Variants in SYCP2 observed in about 807,000 individuals in gnomAD.
SYCP2 encodes the protein synaptonemal complex lateral element protein.
SYCP2 carries 55 observed loss-of-function variants against 211.3 expected under a neutral mutation model. The ratio of observed to expected loss-of-function variants is 0.26; its 90% CI spans 0.21 to 0.33. SYCP2 has a LOEUF of 0.33. Among genes scored for constraint, SYCP2 ranks in the 10% least tolerant of loss-of-function variants. The pLI is 1.00. For missense variants in SYCP2, 1,731 were observed against 1,752.0 expected (o/e 0.99, Z 0.21); for synonymous variants, 570 against 555.2 (o/e 1.03, Z -0.37).
At chr20:59,877,327 A>G in intron 33 of SYCP2, 58 bp downstream of exon 33, 12 of 1,171,536 alleles carry the variant, frequency 1.0e-5, no homozygotes, top group South Asian at 2.5e-5. Context: ...TTTTACAAAA[A>G]TATATATTTA....
intron 5 of SYCP2, 23 bp from the exon 6 acceptor site, chr20:59,919,620 TAG>T: frequency 7.1e-7 from 1 of 1,408,450 alleles, no homozygotes; most frequent in East Asian, 2.3e-5. Flanking sequence ...ATGAACTTAT[TAG>T]AGTTCCATTT....
chr20:59,920,209 C>T (rs926932286), intron 5 of SYCP2, 150 bp downstream of exon 5: 1 of 681,762 alleles, frequency 1.5e-6, no homozygotes, highest in African/African-American at 1.8e-5. Flanking sequence ...ATATTTGTAA[C>T]ATATATCACA....
chr20:59,880,377 T>G lies in SYCP2; in HGVS notation c.2867A>C (p.Glu956Ala), dbSNP rs762791838. 8 of 1,602,532 alleles carry G rather than the reference T, an allele frequency of 5.0e-6. No individual in the cohort carries two copies. The highest frequency in any genetic ancestry group is 6.8e-6 in the Non-Finnish European group (8 of 1,172,304). Residue 956 changes from glutamate to alanine, a missense_variant, in exon 31 of 45, where the codon GAA (glutamate) becomes GCA (alanine). Coordinates refer to ENST00000357552, the MANE Select transcript of SYCP2 (RefSeq NM_014258.4). ...TATTAGCTGTGGTTTTGATTTCGGTTCTCTTAGCCAGCTAATATCAGTCTT... is the reference window on the plus strand; with the variant it reads ...TATTAGCTGTGGTTTTGATTTCGGTGCTCTTAGCCAGCTAATATCAGTCTT... ...DSKTDISWLR[E>A]PKSKPQLIDY...
chr20:59,866,605 T>A lies in SYCP2; in HGVS notation c.4126-16A>T, dbSNP rs775562620. On this transcript the variant is annotated splice_polypyrimidine_tract_variant and intron_variant, in intron 39 of 44. Coordinates refer to ENST00000357552, the MANE Select transcript of SYCP2 (RefSeq NM_014258.4). ...TATGTCGGATCTGAAAAATACTCAT[T>A]TTTAAGTTAAAATATCTTTACAAAA... The A allele has an allele frequency of 6.5e-7, 1 of 1,540,052 alleles. No individual in the cohort carries two copies. The highest frequency in any genetic ancestry group is 8.8e-7 in the Non-Finnish European group (1 of 1,134,428).
At chr20:59,866,849 TTACA>T (rs1336781885) in intron 39 of SYCP2, among the ~76,000 whole-genome samples, 1 of 151,408 alleles carries the variant, frequency 6.6e-6, no homozygotes, top group Non-Finnish European at 1.5e-5. Flanking sequence ...TCTACAGTAT[TTACA>T]AAAATGCTGA....
In SYCP2 at chr20:59,888,935, C is replaced by T. The variant is rs79127079; in HGVS notation, c.2365-2101G>A. Among the ~76,000 whole-genome samples, 19 of 151,756 alleles carry T rather than the reference C, an allele frequency of 1.3e-4. No homozygotes were observed. The East Asian group carries it at 3.1e-3, about 25-fold the overall frequency. On this transcript the variant is annotated intron_variant, in intron 24 of 44. Coordinates refer to ENST00000357552, the MANE Select transcript of SYCP2 (RefSeq NM_014258.4). ...AGATGTATATCTAACAAAACATGTA[C>T]GAGAGAAAAACTACAAAAGTCTGAT...
At chr20:59,904,909 T>C (rs1401238636) in intron 15 of SYCP2, among the ~76,000 whole-genome samples, 3 of 152,082 alleles carry the variant, frequency 2.0e-5, no homozygotes, top group Non-Finnish European at 2.9e-5. Flanking sequence ...GAAAGTGCCA[T>C]ATAAATAACT....
intron 2 of SYCP2, among the ~76,000 whole-genome samples, chr20:59,924,963 CCTCA>C (rs750932965): frequency 2.0e-5 from 3 of 151,394 alleles, no homozygotes; most frequent in Non-Finnish European, 4.4e-5. Flanking sequence ...TATAACAAAA[CCTCA>C]CTACTTCATA....
At chr20:59,867,303 CATAACT>C (rs1182377807) in intron 39 of SYCP2, among the ~76,000 whole-genome samples, 1 of 151,578 alleles carries the variant, frequency 6.6e-6, no homozygotes, top group African/African-American at 2.4e-5. Flanking sequence ...ACTAAGACTA[CATAACT>C]ATAATACAAA....
At chr20:59,898,303 A>G (rs2060049706) in intron 18 of SYCP2, among the ~76,000 whole-genome samples, 2 of 152,230 alleles carry the variant, frequency 1.3e-5, no homozygotes, top group South Asian at 4.1e-4. Flanking sequence ...ACAATAGCAA[A>G]GACTTAGAAC....
intron 18 of SYCP2, among the ~76,000 whole-genome samples, chr20:59,899,440 C>T (rs1239666012): frequency 6.6e-6 from 1 of 152,076 alleles, no homozygotes; most frequent in Non-Finnish European, 1.5e-5. Context: ...GAAAAGTCTG[C>T]TACATTTTAA....
At chr20:59,920,229 A>C in intron 5 of SYCP2, 130 bp downstream of exon 5, 1 of 773,210 alleles carries the variant, frequency 1.3e-6, no homozygotes, top group Non-Finnish European at 2.0e-6. Context: ...AAGTTATAGA[A>C]ATGTTTTATT....
intron 35 of SYCP2, among the ~76,000 whole-genome samples, chr20:59,871,531 G>A (rs1276911780): frequency 5.9e-5 from 9 of 151,878 alleles, no homozygotes; most frequent in Admixed American, 5.9e-4. Context: ...ATCAAAGATG[G>A]TGGGTGGGGA....
chr20:59,917,881 G>A (rs533633816), intron 7 of SYCP2, among the ~76,000 whole-genome samples: 2 of 152,228 alleles, frequency 1.3e-5, no homozygotes, highest in African/African-American at 4.8e-5. Flanking sequence ...TATGGCCCAC[G>A]AACTAAATGC....
intron 7 of SYCP2, among the ~76,000 whole-genome samples, chr20:59,918,657 T>A (rs1568979551): frequency 2.0e-5 from 3 of 152,332 alleles, no homozygotes; most frequent in South Asian, 2.1e-4. Flanking sequence ...ATTAAAAGCA[T>A]GCTTATGCAC....
intron 29 of SYCP2, 29 bp downstream of exon 29, chr20:59,881,408 G>A (rs1166941771): frequency 8.2e-7 from 1 of 1,226,890 alleles, no homozygotes; most frequent in Admixed American, 2.4e-5. Flanking sequence ...AAAAAGATCA[G>A]AATATTTTAA....
At chr20:59,909,037 A>G (rs2060267121) in intron 14 of SYCP2, among the ~76,000 whole-genome samples, 1 of 152,176 alleles carries the variant, frequency 6.6e-6, no homozygotes, top group South Asian at 2.1e-4. Context: ...CCTCTCAGGA[A>G]TATTTCACTG....
intron 31 of SYCP2, among the ~76,000 whole-genome samples, chr20:59,879,141 T>A (rs2059615623): frequency 6.6e-6 from 1 of 152,080 alleles, no homozygotes; most frequent in Non-Finnish European, 1.5e-5. Context: ...CCTGAGGGCA[T>A]GTGAATCTTA....
chr20:59,868,323 T>TA, intron 38 of SYCP2, 90 bp downstream of exon 38: 1 of 1,369,800 alleles, frequency 7.3e-7, no homozygotes, highest in Non-Finnish European at 1.0e-6. Context: ...AAGTTGTCTT[T>TA]ACAAATTTGT....
Sources: gnomAD v4.1 joint callset for allele counts (sites outside exome capture counted in the v4.1 genomes callset) on GRCh38, gnomAD v4.1.1 for gene constraint, MANE v1.5 for transcripts, NCBI Gene and HGNC (gene_info 2026-07-23, HGNC 2026-07-21) for gene names.